The following GPC5 variants were observed in gnomAD, a reference collection of about 807,000 sequenced individuals.
GPC5 encodes the protein glypican-5.
Under a neutral mutation model 53.9 loss-of-function variants are expected in GPC5, and 47 were observed. The ratio of observed to expected loss-of-function variants is 0.87; its 90% CI spans 0.69 to 1.11. The LOEUF is 1.11. Among genes scored for constraint, GPC5 ranks in the 50% most tolerant of loss-of-function variants. The pLI is 0.00. For synonymous variants in GPC5, 286 were observed against 263.3 expected, an observed-to-expected ratio of 1.09 and a Z score of -0.84; for missense variants, 748 against 713.1, an observed-to-expected ratio of 1.05 and a Z score of -0.56.
intron 7 of GPC5, among the ~76,000 whole-genome samples, chr13:92,435,010 G>A (rs769817423): frequency 6.6e-6 from 1 of 152,174 alleles, no homozygotes; most frequent in East Asian, 1.9e-4. Flanking sequence ...TGCCTCCCTG[G>A]TTCAAGCGAT....
chr13:92,087,936 CT>C (rs796592368), intron 6 of GPC5, among the ~76,000 whole-genome samples: 8,227 of 144,544 alleles, frequency 0.057, 697 homozygotes, highest in African/African-American at 0.19. Context: ...CTTCCAACTA[CT>C]TTTTTTTTTT....
intron 3 of GPC5, among the ~76,000 whole-genome samples, chr13:91,725,973 G>A (rs978279903): frequency 1.3e-5 from 2 of 152,076 alleles, no homozygotes; most frequent in Non-Finnish European, 2.9e-5. Context: ...TCTGTGGTGT[G>A]GCCAAATAAT....
At chr13:92,168,277 G>A (rs1566466626) in intron 7 of GPC5, among the ~76,000 whole-genome samples, 1 of 152,088 alleles carries the variant, frequency 6.6e-6, no homozygotes, top group Non-Finnish European at 1.5e-5. Flanking sequence ...CATAGGCACT[G>A]GCAAAGATTT....
At chr13:91,505,489 C>G (rs1379441685) in intron 2 of GPC5, among the ~76,000 whole-genome samples, 3 of 152,092 alleles carry the variant, frequency 2.0e-5, no homozygotes, top group African/African-American at 7.2e-5. Context: ...TGACTTTGTC[C>G]CCTCTACTTT....
chr13:91,956,344 C>T (rs2040073559), intron 6 of GPC5, among the ~76,000 whole-genome samples: 1 of 152,100 alleles, frequency 6.6e-6, no homozygotes, highest in African/African-American at 2.4e-5. Context: ...TGGGGACTGG[C>T]CTGCCCAGCC....
intron 1 of GPC5, among the ~76,000 whole-genome samples, chr13:91,415,897 T>C (rs940616147): frequency 3.3e-5 from 5 of 152,196 alleles, no homozygotes; most frequent in Non-Finnish European, 7.3e-5. Flanking sequence ...AGTGCATCTT[T>C]TATAGCATTT....
chr13:92,499,158 G>T (rs944137528), intron 7 of GPC5, among the ~76,000 whole-genome samples: 6 of 152,104 alleles, frequency 3.9e-5, no homozygotes, highest in Admixed American at 1.3e-4. Flanking sequence ...CACACCAACA[G>T]ACGTCCCTTT....
intron 7 of GPC5, among the ~76,000 whole-genome samples, chr13:92,834,171 A>G (rs1193459751): frequency 1.3e-5 from 2 of 152,206 alleles, no homozygotes; most frequent in African/African-American, 4.8e-5. Flanking sequence ...ACTTCCTGGC[A>G]GCTAATAAAT....
intron 7 of GPC5, among the ~76,000 whole-genome samples, chr13:92,584,394 C>T (rs1211406400): frequency 1.3e-5 from 2 of 152,198 alleles, no homozygotes; most frequent in East Asian, 3.9e-4. Context: ...GGATTTTGCC[C>T]CTGCCCTAGA....
intron 6 of GPC5, among the ~76,000 whole-genome samples, chr13:92,004,905 C>T (rs563022098): frequency 2.6e-5 from 4 of 152,250 alleles, no homozygotes; most frequent in South Asian, 2.1e-4. Context: ...TCCCATAACA[C>T]GTGAGAATTA....
In GPC5 at chr13:91,836,272, T is replaced by C. The variant is rs185282703; in HGVS notation, c.1281-71665T>C. ...AGAAAATCACTACATTTAATACTTTTGACCTCCATTCCTTTTCATTTAAAC... is the reference window on the plus strand; with the variant it reads ...AGAAAATCACTACATTTAATACTTTCGACCTCCATTCCTTTTCATTTAAAC... On this transcript the variant is annotated intron_variant, in intron 5 of 7. Coordinates refer to ENST00000377067, the MANE Select transcript of GPC5 (RefSeq NM_004466.6). 3.3e-5 allele frequency among the ~76,000 whole-genome samples: 5 copies of C among 152,220 alleles called. No individual in the cohort carries two copies. In the East Asian group the frequency reaches 7.7e-4, roughly 24 times the overall value.
chr13:91,863,805 C>A (rs1220683750), intron 5 of GPC5, among the ~76,000 whole-genome samples: 1 of 152,094 alleles, frequency 6.6e-6, no homozygotes. Context: ...ACAAACCCAG[C>A]CTGGACTTCT....
intron 5 of GPC5, among the ~76,000 whole-genome samples, chr13:91,842,434 G>T (rs907287479): frequency 6.7e-6 from 1 of 149,556 alleles, no homozygotes; most frequent in African/African-American, 2.5e-5. Context: ...CGGGCGCGGT[G>T]GCTCACGCCT....
chr13:91,761,241 G>A (rs1040463393), intron 5 of GPC5, among the ~76,000 whole-genome samples: 3 of 152,054 alleles, frequency 2.0e-5, no homozygotes, highest in Non-Finnish European at 4.4e-5. Flanking sequence ...TTCCACAGTG[G>A]CTCTTAAACC....
chr13:91,503,817 A>AATAATAATAATAATAATCATC (rs1555316221), intron 2 of GPC5, among the ~76,000 whole-genome samples: 2 of 147,416 alleles, frequency 1.4e-5, no homozygotes, highest in African/African-American at 5.0e-5. Context: ...TAATAATAAT[A>AATAATAATAATAATAATCATC]ATCAGGCTGT....
At chr13:92,719,298 T>C (rs1275653872) in intron 7 of GPC5, among the ~76,000 whole-genome samples, 1 of 151,806 alleles carries the variant, frequency 6.6e-6, no homozygotes, top group Non-Finnish European at 1.5e-5. Context: ...TTTGTTCTAA[T>C]AGGAAAAAAA....
intron 2 of GPC5, among the ~76,000 whole-genome samples, chr13:91,571,175 G>T (rs770681370): frequency 6.6e-6 from 1 of 152,110 alleles, no homozygotes; most frequent in Non-Finnish European, 1.5e-5. Flanking sequence ...TTTACCTCCA[G>T]AGTCAATATC....
At chr13:91,780,814 C>T (rs771145477) in intron 5 of GPC5, among the ~76,000 whole-genome samples, 27 of 152,144 alleles carry the variant, frequency 1.8e-4, no homozygotes, top group Admixed American at 6.6e-4. Flanking sequence ...TCAAGGTCAA[C>T]GCCACAAGTA....
chr13:92,486,288 GA>G (rs1234653030), intron 7 of GPC5, among the ~76,000 whole-genome samples: 1 of 152,024 alleles, frequency 6.6e-6, no homozygotes, highest in Non-Finnish European at 1.5e-5. Flanking sequence ...GACCTTCACC[GA>G]AAAATACACT....
Sources: gnomAD v4.1 joint callset for allele counts (sites outside exome capture counted in the v4.1 genomes callset) on GRCh38, gnomAD v4.1.1 for gene constraint, MANE v1.5 for transcripts, NCBI Gene and HGNC (gene_info 2026-07-23, HGNC 2026-07-21) for gene names.